The following MTMR3 variants were observed in gnomAD, a reference collection of about 807,000 sequenced individuals.
MTMR3 encodes the protein myotubularin related protein 3.
In MTMR3, 32 loss-of-function variants were observed where a neutral mutation model predicts 132.4. The observed-to-expected ratio is 0.24, with a 90% confidence interval of 0.18 to 0.32. The LOEUF (loss-of-function observed/expected upper bound fraction) is 0.32. Ranked by LOEUF, MTMR3 falls within the 10% of genes least tolerant of loss-of-function variation. MTMR3 has a pLI of 1.00. For missense variants in MTMR3, 1,216 were observed against 1,489.6 expected (o/e 0.82, Z 3.02); for synonymous variants, 556 against 550.3 (o/e 1.01, Z -0.14).
At chr22:29,906,407 C>T (rs979863563) in intron 1 of MTMR3, among the ~76,000 whole-genome samples, 2 of 152,080 alleles carry the variant, frequency 1.3e-5, no homozygotes, top group Non-Finnish European at 2.9e-5. Context: ...TCTTGGCTCA[C>T]TGCAATCTCC....
chr22:29,920,947 A>G (rs1179839773), intron 1 of MTMR3, among the ~76,000 whole-genome samples: 2 of 129,458 alleles, frequency 1.5e-5, no homozygotes, highest in Non-Finnish European at 3.2e-5. Context: ...TGTCAGAGCT[A>G]TGACAAAAAT....
chr22:29,942,998 A>G (rs371403236), intron 1 of MTMR3, among the ~76,000 whole-genome samples: 10 of 152,192 alleles, frequency 6.6e-5, no homozygotes, highest in Admixed American at 1.3e-4. Flanking sequence ...TGGGGAAGTA[A>G]TAAGTGTCTG....
chr22:30,004,072 CTGAA>C (rs766616834), intron 9 of MTMR3: 5 of 151,408 alleles, frequency 3.3e-5, no homozygotes, highest in Non-Finnish European at 7.3e-5. Flanking sequence ...GATGCCCACT[CTGAA>C]TGGAGAGAGA....
chr22:29,998,691 G>C, intron 7 of MTMR3, 70 bp from the exon 8 acceptor site: 1 of 994,612 alleles, frequency 1.0e-6, no homozygotes, highest in Non-Finnish European at 1.5e-6. Context: ...ATATTTCTTT[G>C]TTTTTATTCC....
chr22:29,906,286 G>GTCTGTCTGTCTA (rs2065099481), intron 1 of MTMR3, among the ~76,000 whole-genome samples: 4 of 74,456 alleles, frequency 5.4e-5, no homozygotes, highest in African/African-American at 1.4e-4. Context: ...CTGTCTGTCT[G>GTCTGTCTGTCTA]TCTATCTATC....
intron 2 of MTMR3, among the ~76,000 whole-genome samples, chr22:29,964,509 T>G (rs1181823770): frequency 6.6e-6 from 1 of 152,218 alleles, no homozygotes; most frequent in East Asian, 1.9e-4. Context: ...TCTCAGATAC[T>G]TAAAGCAGCA....
chr22:29,943,981 G>C (rs1406866435), intron 1 of MTMR3, among the ~76,000 whole-genome samples: 1 of 151,910 alleles, frequency 6.6e-6, no homozygotes, highest in African/African-American at 2.4e-5. Flanking sequence ...GCACCACCAT[G>C]ACTGGCTAAT....
At position 30,020,775 on chromosome 22, in the gene MTMR3, A is replaced by C. The variant is rs1157142893; in HGVS notation, c.3116A>C (p.Gln1039Pro). 6.2e-7 allele frequency: 1 copy of C among 1,614,076 alleles called. No individual in the cohort carries two copies. Among genetic ancestry groups the C allele is most frequent in the East Asian group, 2.2e-5 (1 of 44,908 alleles). The change falls in exon 17 of 20, where the codon CAG (glutamine) becomes CCG (proline). Residue 1039 changes from glutamine to proline, a missense_variant. Transcript: ENST00000401950. ...CTGCGTCAGATTGAGTCAGGCCACC[A>C]GCAGGAAGTAGAAACTTTGAAGAAA... ...QRLRQIESGH[Q>P]QEVETLKKQV... is the part of the protein sequence containing the mutation.
At chr22:29,922,264 C>T (rs1315131507) in intron 1 of MTMR3, among the ~76,000 whole-genome samples, 1 of 152,146 alleles carries the variant, frequency 6.6e-6, no homozygotes, top group Non-Finnish European at 1.5e-5. Context: ...GGTGATTCTC[C>T]TGCCTTGACC....
At chr22:29,940,151 C>G (rs2065829025) in intron 1 of MTMR3, among the ~76,000 whole-genome samples, 1 of 152,128 alleles carries the variant, frequency 6.6e-6, no homozygotes, top group African/African-American at 2.4e-5. Context: ...GACTGTAGTC[C>G]CAGCTACTCC....
intron 1 of MTMR3, among the ~76,000 whole-genome samples, chr22:29,921,464 A>G (rs1358417732): frequency 2.2e-4 from 33 of 152,214 alleles, no homozygotes; most frequent in Admixed American, 2.2e-3. Context: ...AACCACGTCA[A>G]GGAGTTTCTT....
intron 1 of MTMR3, among the ~76,000 whole-genome samples, chr22:29,928,631 G>A (rs548299657): frequency 6.6e-6 from 1 of 151,958 alleles, no homozygotes; most frequent in Non-Finnish European, 1.5e-5. Context: ...GCTGTTTCTA[G>A]TTTTTTGTTT....
intron 1 of MTMR3, among the ~76,000 whole-genome samples, chr22:29,921,087 A>C (rs1163911510): frequency 6.6e-6 from 1 of 152,080 alleles, no homozygotes; most frequent in Non-Finnish European, 1.5e-5. Flanking sequence ...AGGAATACCC[A>C]AGGCTGGGTA....
chr22:29,961,614 G>T (rs1434287139), intron 2 of MTMR3, among the ~76,000 whole-genome samples: 1 of 152,134 alleles, frequency 6.6e-6, no homozygotes, highest in African/African-American at 2.4e-5. Flanking sequence ...TCACCTAGTG[G>T]AGTTGTAGTT....
intron 7 of MTMR3, chr22:29,997,771 A>G (rs962156272): frequency 2.0e-5 from 3 of 152,126 alleles, no homozygotes; most frequent in African/African-American, 7.2e-5. Flanking sequence ...TGTTTTTCAT[A>G]CCCTATTTGG....
intron 4 of MTMR3, 114 bp downstream of exon 4, chr22:29,978,645 G>A: frequency 2.6e-6 from 2 of 764,766 alleles, no homozygotes; most frequent in Non-Finnish European, 4.1e-6. Context: ...CATACATGTA[G>A]TAGAAATGCA....
chr22:29,945,691 T>C (rs923388998), intron 1 of MTMR3, among the ~76,000 whole-genome samples: 11 of 141,424 alleles, frequency 7.8e-5, no homozygotes, highest in African/African-American at 3.0e-4. Flanking sequence ...GGCAACAGAG[T>C]GAGACTCCAG....
intron 1 of MTMR3, among the ~76,000 whole-genome samples, chr22:29,890,820 T>C (rs866826581): frequency 3.3e-5 from 5 of 152,204 alleles, no homozygotes; most frequent in Admixed American, 2.0e-4. Context: ...ACCAGTGGTC[T>C]TCAAACTTTT....
At chr22:29,978,392 A>G in intron 3 of MTMR3, 50 bp from the exon 4 acceptor site, 4 of 1,479,652 alleles carry the variant, frequency 2.7e-6, no homozygotes, top group Non-Finnish European at 3.7e-6. Context: ...AAAACCAAAT[A>G]TGAATGATTA....
Sources: gnomAD v4.1 joint callset for allele counts (sites outside exome capture counted in the v4.1 genomes callset) on GRCh38, gnomAD v4.1.1 for gene constraint, MANE v1.5 for transcripts, NCBI Gene and HGNC (gene_info 2026-07-23, HGNC 2026-07-21) for gene names.